Variants in FGF13 observed in about 807,000 individuals in gnomAD.
The protein encoded by FGF13 is fibroblast growth factor 13.
A neutral mutation model predicts 19.5 loss-of-function variants in FGF13; 2 were observed. That is an observed-to-expected ratio of 0.10 (90% confidence interval 0.04 to 0.32). The LOEUF (loss-of-function observed/expected upper bound fraction) is 0.32. FGF13 is among the 10% of genes least tolerant of loss of function. FGF13 has a pLI of 1.00. For synonymous variants in FGF13, 72 were observed against 76.9 expected (o/e 0.94, Z 0.33); for missense variants, 113 against 192.7 (o/e 0.59, Z 2.45).
intron 1 of FGF13, among the ~76,000 whole-genome samples, chrX:139,005,843 G>A (rs1206156412): frequency 9.4e-6 from 1 of 106,836 alleles, no homozygotes; most frequent in African/African-American, 3.4e-5. Flanking sequence ...GACAAAATTA[G>A]TGAACTTGAA....
chrX:138,804,064 G>A (rs913091316), intron 3 of FGF13, among the ~76,000 whole-genome samples: 5 of 111,954 alleles, frequency 4.5e-5, no homozygotes, highest in Non-Finnish European at 9.4e-5. Context: ...CAGCTCTCCA[G>A]GTGACCCCTC....
At chrX:138,985,089 C>T (rs1198490134) in intron 1 of FGF13, 1 of 367,711 alleles carries the variant, frequency 2.7e-6, no homozygotes, top group Admixed American at 2.7e-5. Flanking sequence ...CCTCATGACA[C>T]CTCTGTGAAG....
At chrX:139,011,632 C>T (rs1429639447) in intron 1 of FGF13, among the ~76,000 whole-genome samples, 1 of 111,118 alleles carries the variant, frequency 9.0e-6, no homozygotes, top group African/African-American at 3.3e-5. Flanking sequence ...TTGACAAAAC[C>T]CAGCATCCGT....
chrX:138,997,566 T>G (rs2092049216), intron 1 of FGF13, among the ~76,000 whole-genome samples: 1 of 110,459 alleles, frequency 9.1e-6, no homozygotes, highest in Non-Finnish European at 1.9e-5. Flanking sequence ...ATCGATCAAG[T>G]GGAAGAAAGG....
rs1413879440 is a variant in FGF13, at chrX:138,917,604, A to G, written c.-112-52954T>C. Among the ~76,000 whole-genome samples, 4 of 112,471 alleles carry G rather than the reference A, an allele frequency of 3.6e-5. No individual in the cohort carries two copies. In the Admixed American group the frequency reaches 3.8e-4, roughly 11 times the overall value. On this transcript the variant is annotated intron_variant, in intron 1 of 2. Coordinates refer to the FGF13 transcript ENST00000421460. ...CCCACTCAAGGTATTTTATTTTCCTATCATTTACAATAAATTCTAAATGAT... is the reference window on the plus strand; with the variant it reads ...CCCACTCAAGGTATTTTATTTTCCTGTCATTTACAATAAATTCTAAATGAT...
intron 1 of FGF13, among the ~76,000 whole-genome samples, chrX:139,049,130 A>G (rs749522718): frequency 5.4e-5 from 6 of 111,448 alleles, no homozygotes; most frequent in Non-Finnish European, 1.1e-4. Context: ...AGAGCCAAAT[A>G]TCACATATTC....
chrX:139,109,564 G>A (rs755616796), intron 1 of FGF13, among the ~76,000 whole-genome samples: 5 of 111,454 alleles, frequency 4.5e-5, no homozygotes, highest in South Asian at 3.9e-4. Context: ...AGGCAGACAC[G>A]ATTTGGCATT....
At chrX:138,833,070 T>C (rs2091086317) in intron 3 of FGF13, among the ~76,000 whole-genome samples, 1 of 112,180 alleles carries the variant, frequency 8.9e-6, no homozygotes, top group African/African-American at 3.2e-5. Flanking sequence ...TGTAGTCCTG[T>C]AGTATATAGC....
intron 1 of FGF13, among the ~76,000 whole-genome samples, chrX:139,125,603 T>C (rs774380035): frequency 3.6e-5 from 4 of 111,658 alleles, no homozygotes; most frequent in African/African-American, 1.3e-4. Flanking sequence ...ATACCAGTTA[T>C]ATTAAAAAGA....
intron 1 of FGF13, among the ~76,000 whole-genome samples, chrX:139,031,780 C>G (rs992084595): frequency 1.9e-4 from 21 of 109,518 alleles, no homozygotes; most frequent in African/African-American, 6.3e-4. Flanking sequence ...CCTCTCCTGC[C>G]AGGTTTCTTA....
intron 3 of FGF13, among the ~76,000 whole-genome samples, chrX:138,815,171 G>A (rs958897677): frequency 3.6e-5 from 4 of 110,551 alleles, no homozygotes; most frequent in African/African-American, 6.6e-5. Context: ...TAGAATGCTG[G>A]TTGCCAGGGG....
rs147263673 is a variant in FGF13, at chrX:138,787,184, C to T, written c.217+70328G>A. On this transcript the variant is annotated intron_variant, in intron 3 of 6. Transcript: ENST00000436198. ...GTTTTAAAAGAAATTAAATGAGGAA[C>T]GATTAATTGATATTTGAATTAGCCC... is the stretch of plus-strand genomic sequence containing the variant. Among the ~76,000 whole-genome samples the T allele has an allele frequency of 2.0e-4, 22 of 112,479 alleles. No individual in the cohort carries two copies. In the East Asian group the frequency reaches 5.0e-3, roughly 26 times the overall value.
At chrX:139,182,146 A>G (rs768233370) in intron 1 of FGF13, among the ~76,000 whole-genome samples, 11 of 112,024 alleles carry the variant, frequency 9.8e-5, no homozygotes, top group Non-Finnish European at 2.1e-4. Context: ...AATACACACA[A>G]CAACCCAGTG....
At chrX:138,959,247 C>T (rs1284952082) in intron 1 of FGF13, among the ~76,000 whole-genome samples, 4 of 111,922 alleles carry the variant, frequency 3.6e-5, no homozygotes, top group Admixed American at 2.9e-4. Context: ...GTTCGAAGCA[C>T]ATCTTTATTT....
At chrX:138,962,761 C>T (rs775143607) in intron 1 of FGF13, among the ~76,000 whole-genome samples, 14 of 111,584 alleles carry the variant, frequency 1.3e-4, no homozygotes, top group Admixed American at 5.7e-4. Context: ...AACCAAACAC[C>T]GCCATGTTTT....
chrX:138,786,407 G>A (rs1276167932), intron 3 of FGF13, among the ~76,000 whole-genome samples: 1 of 111,753 alleles, frequency 8.9e-6, no homozygotes, highest in Non-Finnish European at 1.9e-5. Flanking sequence ...TGCTTTACTG[G>A]CAGGAAATCA....
intron 1 of FGF13, among the ~76,000 whole-genome samples, chrX:138,992,097 C>T (rs2092018629): frequency 2.5e-5 from 1 of 39,458 alleles, no homozygotes; most frequent in African/African-American, 6.6e-5. Context: ...TACATATACA[C>T]ATATATATAC....
intron 3 of FGF13, among the ~76,000 whole-genome samples, chrX:138,779,546 C>G (rs1332362686): frequency 9.2e-6 from 1 of 109,224 alleles, no homozygotes; most frequent in Non-Finnish European, 1.9e-5. Context: ...ATGCGATCAA[C>G]TGGAAGAAAG....
In FGF13 at chrX:138,843,087, A is replaced by G. The variant is rs748195365; in HGVS notation, c.217+14425T>C. Among the ~76,000 whole-genome samples, 33 of 111,976 alleles carry G rather than the reference A, an allele frequency of 2.9e-4. No homozygotes were observed. In the South Asian group the frequency reaches 3.4e-3, roughly 11 times the overall value. ...AAATAGGTAACATTCCATAAATGTA[A>G]TAAATACTAAAGCTCTGGAGCACTG... On this transcript the variant is annotated intron_variant, in intron 3 of 6. Coordinates refer to the FGF13 transcript ENST00000436198.
Sources: gnomAD v4.1 joint callset for allele counts (sites outside exome capture counted in the v4.1 genomes callset) on GRCh38, gnomAD v4.1.1 for gene constraint, MANE v1.5 for transcripts, NCBI Gene and HGNC (gene_info 2026-07-23, HGNC 2026-07-21) for gene names.